ASPM: variants seen among roughly 807,000 people sequenced by gnomAD.
The protein encoded by ASPM is assembly factor for spindle microtubules.
ASPM carries 256 observed loss-of-function variants against 366.4 expected under a neutral mutation model. That is an observed-to-expected ratio of 0.70 (90% CI 0.63 to 0.77). ASPM has a LOEUF of 0.77. Ranked by LOEUF, ASPM falls within the 30% of genes least tolerant of loss-of-function variation. The probability of loss-of-function intolerance (pLI) is 0.00; values close to 1 mark genes in which losing one functional copy is unlikely to be tolerated. For synonymous variants in ASPM, 1,414 were observed against 1,342.9 expected, an observed-to-expected ratio of 1.05 and a Z score of -1.16; for missense variants, 4,146 against 4,090.4, an observed-to-expected ratio of 1.01 and a Z score of -0.37.
At chr1:197,118,046 G>GT (rs1657795459) in intron 16 of ASPM, 63 bp from the exon 17 acceptor site, 1 of 1,449,142 alleles carries the variant, frequency 6.9e-7, no homozygotes. Context: ...ATTATTCTTT[G>GT]TAAGATAACC....
chr1:197,139,223 C>A, intron 4 of ASPM: 1 of 927,558 alleles, frequency 1.1e-6, no homozygotes. Context: ...GGAAAACTCC[C>A]CAAGGCTAGT....
At chr1:197,134,634 C>A (rs1185811520) in intron 5 of ASPM, among the ~76,000 whole-genome samples, 1 of 152,202 alleles carries the variant, frequency 6.6e-6, no homozygotes, top group Non-Finnish European at 1.5e-5. Context: ...CCTTCTCTTT[C>A]ACAAGAAAAC....
chr1:197,084,302 A>C lies in ASPM; in HGVS notation c.*22T>G, dbSNP rs1049043449. 1 of 1,529,722 alleles carries C rather than the reference A, an allele frequency of 6.5e-7. No homozygotes were observed. Among genetic ancestry groups the C allele is most frequent in the Non-Finnish European group, 9.1e-7 (1 of 1,104,096 alleles). 94.8% of individuals were successfully genotyped at this position (1,529,722 alleles called of 1,614,324 possible). ...GCTTTAATATTTCTTTACACTATAC[A>C]TACTGAAAATGTTTACATTTACTAA... On this transcript the variant is annotated 3_prime_UTR_variant, in exon 28 of 28. Transcript: ENST00000367409.
chr1:197,091,703 C>A (rs541638609), intron 22 of ASPM, among the ~76,000 whole-genome samples: 2 of 152,110 alleles, frequency 1.3e-5, no homozygotes, highest in South Asian at 4.2e-4. Flanking sequence ...AGTACAATTA[C>A]ATCAGACAAT....
rs551198579 is a variant in ASPM at position 197,142,942 on chromosome 1, C to T, written c.1310G>A (p.Arg437His). The T allele has an allele frequency of 1.2e-5, 20 of 1,613,896 alleles. No homozygotes were observed. Among genetic ancestry groups the T allele is most frequent in the Admixed American group, 1.7e-5 (1 of 60,022 alleles). Residue 437 changes from arginine (R) to histidine (H), a missense_variant, in exon 3 of 28, where the codon CGT (arginine) becomes CAT (histidine). Physicochemically the swap from Arg to His is conservative, Grantham distance 29 (BLOSUM62 0). This residue lies in a region of ASPM where 3,624 missense variants were observed against 3,591.7 expected (regional missense o/e 1.01). Transcript: ENST00000367409. ...EDWRKSEVSPRIPECQGSKSP... is the reference protein window; with the variant it reads ...EDWRKSEVSPHIPECQGSKSP... The stretch of plus-strand genomic sequence containing the variant: ...TTTTGAACCCTGACATTCAGGAATA[C>T]GTGGCGAAACTTCACTTTTTCTCCA...
chr1:197,138,951 T>C, intron 4 of ASPM: 1 of 744,166 alleles, frequency 1.3e-6, no homozygotes, highest in Middle Eastern at 3.8e-4. Flanking sequence ...TTCTTTCTCC[T>C]TGACTCGCTG....
intron 8 of ASPM, 125 bp downstream of exon 8, chr1:197,129,790 T>G: frequency 9.0e-7 from 1 of 1,106,598 alleles, no homozygotes. Flanking sequence ...GGGAGAGTAC[T>G]AGAAGCAGAG....
intron 8 of ASPM, among the ~76,000 whole-genome samples, chr1:197,129,564 A>C (rs1454514177): frequency 1.3e-5 from 2 of 152,166 alleles, no homozygotes; most frequent in African/African-American, 4.8e-5. Flanking sequence ...ACAGGCACAG[A>C]GGCATCAAGA....
In ASPM at chr1:197,122,480, A is replaced by G; in HGVS notation, c.3506T>C (p.Val1169Ala). The G allele has an allele frequency of 6.2e-7, 1 of 1,613,830 alleles. No homozygotes were observed. Residue 1169 changes from valine (V) to alanine (A), a missense_variant, in exon 14 of 28, where the codon GTG becomes GCG. Val to Ala is a moderately conservative substitution (Grantham distance 64, BLOSUM62 0). Transcript: ENST00000367409. The part of the protein sequence containing the change: ...DAICQRTTQT[V>A]ECTQTGSVVL... ...CACTGAACCAGTTTGCGTACATTCC[A>G]CAGTTTGAGTAGTACGCTGACATAT...
intron 18 of ASPM, 43 bp from the exon 19 acceptor site, chr1:197,096,207 CTT>C (rs199941326): frequency 2.0e-6 from 3 of 1,476,744 alleles, no homozygotes; most frequent in Admixed American, 1.7e-5. Context: ...TGAGTTGTCT[CTT>C]TTTTTTTGTA....
chr1:197,088,227 T>G, intron 26 of ASPM, 29 bp downstream of exon 26: 3 of 1,603,400 alleles, frequency 1.9e-6, no homozygotes, highest in Non-Finnish European at 2.6e-6. Flanking sequence ...AAAAATAATC[T>G]TAAAGAAAGG....
Position 197,146,137 on chromosome 1 carries a change from C to A in ASPM, c.297+4G>T, listed in dbSNP as rs1326287939. On this transcript the variant is annotated splice_donor_region_variant and intron_variant, in intron 1 of 27. Transcript: ENST00000367409. ...GCCTGGAGCACGCTCCTCCTGAGACCTACCTGCAACACGAAACAGCGCTGC... is the reference window on the plus strand; with the variant it reads ...GCCTGGAGCACGCTCCTCCTGAGACATACCTGCAACACGAAACAGCGCTGC... The A allele has an allele frequency of 6.2e-6, 10 of 1,613,876 alleles. No individual in the cohort carries two copies. The highest frequency in any genetic ancestry group is 1.3e-5 in the African/African-American group (1 of 74,902).
rs1335189915 is a variant in ASPM at position 197,103,687 on chromosome 1, T to C, written c.5564A>G (p.Gln1855Arg). The change falls in exon 18 of 28, where the codon CAG becomes CGG. Residue 1855 changes from glutamine (Q) to arginine (R), a missense_variant. Transcript: ENST00000367409. ...QSVLQSIIKI[Q>R]RWYRAYKTLH... ...AGTCTTGTACGCCCTGTACCATCTC[T>C]GAATCTTTATTATAGATTGAAGCAC... 3.7e-6 allele frequency: 6 copies of C among 1,612,978 alleles called. No individual in the cohort carries two copies. The highest frequency in any genetic ancestry group is 2.2e-5 in the South Asian group (2 of 91,070).
intron 17 of ASPM, 71 bp from the exon 18 acceptor site, chr1:197,105,256 T>G: frequency 1.7e-6 from 2 of 1,157,476 alleles, no homozygotes; most frequent in Non-Finnish European, 2.5e-6. Context: ...TTCAAAATAC[T>G]AATTTTTCTA....
rs77747198 is a variant in ASPM at position 197,107,649 on chromosome 1, T to C, written c.4066-2464A>G. ...TAACTGACAACGACTTTAGAGCAGATAAAGTAAAAATGCTACAACAAGTTG... is the reference window on the plus strand; with the variant it reads ...TAACTGACAACGACTTTAGAGCAGACAAAGTAAAAATGCTACAACAAGTTG... On this transcript the variant is annotated intron_variant, in intron 17 of 27. Coordinates refer to ENST00000367409, the MANE Select transcript of ASPM (RefSeq NM_018136.5). Among the ~76,000 whole-genome samples, 416 of 152,000 alleles carry C rather than the reference T, an allele frequency of 2.7e-3. 13 individuals are homozygous for C. In the East Asian group the frequency reaches 0.078, roughly 28 times the overall value.
chr1:197,141,077 C>T (rs565197700), intron 3 of ASPM, among the ~76,000 whole-genome samples: 1 of 151,940 alleles, frequency 6.6e-6, no homozygotes, highest in Admixed American at 6.6e-5. Flanking sequence ...AGCAAAGAGA[C>T]AATAAGAGCA....
chr1:197,092,064 T>C lies in ASPM; in HGVS notation c.9295-8A>G. 6.2e-7 allele frequency: 1 copy of C among 1,610,784 alleles called. No homozygotes were observed. The highest frequency in any genetic ancestry group is 2.2e-5 in the East Asian group (1 of 44,680). On this transcript the variant is annotated splice_region_variant and splice_polypyrimidine_tract_variant and intron_variant, in intron 21 of 27. Transcript: ENST00000367409. ...GGCTCTCTGTTCTAAAAACTAAAGG[T>C]GAAAAAACAAAGCATATTCAAGTAT...
rs1378065185 is a variant in ASPM, at chr1:197,135,181, C to T, written c.2088G>A (p.Lys696=). ...AKNMFYDERW[K]EKQEQGFTWW... Reference sequence around the variant, plus strand: ...AAGTGAAGCCCTGTTCCTGCTTTTCCTTCCAGCGTTCATCATAAAACATGT... The same window carrying T: ...AAGTGAAGCCCTGTTCCTGCTTTTCTTTCCAGCGTTCATCATAAAACATGT... The change falls in exon 5 of 28, where the codon AAG becomes AAA. Residue 696 remains lysine, a synonymous_variant. Coordinates refer to ENST00000367409, the MANE Select transcript of ASPM (RefSeq NM_018136.5). 9.3e-6 allele frequency: 15 copies of T among 1,613,668 alleles called. No homozygotes were observed. The highest frequency in any genetic ancestry group is 1.3e-5 in the Non-Finnish European group (15 of 1,179,784).
In ASPM at chr1:197,100,848, A is replaced by G; in HGVS notation, c.8403T>C (p.Ser2801=). The change falls in exon 18 of 28, where the codon TCT becomes TCC. Residue 2801 remains serine, a synonymous_variant. Coordinates refer to ENST00000367409, the MANE Select transcript of ASPM (RefSeq NM_018136.5). ...CTGCTTCCTGTGAACAAGCAAGGCC[A>G]GAAGCTTTATACCACTCTTGAATCA... ...GVMIQEWYKA[S]GLACSQEAEY... The G allele has an allele frequency of 6.2e-7, 1 of 1,612,686 alleles. No homozygotes were observed. Among genetic ancestry groups the G allele is most frequent in the African/African-American group, 1.3e-5 (1 of 74,916 alleles).
Sources: allele counts gnomAD v4.1 joint callset (sites outside exome capture counted in the v4.1 genomes callset), GRCh38; gene constraint gnomAD v4.1.1; regional missense constraint gnomAD v4.1.1; transcripts MANE v1.5; gene names NCBI Gene and HGNC (gene_info 2026-07-23, HGNC 2026-07-21).